PPP3CA: variants seen among roughly 807,000 people sequenced by gnomAD.
The protein encoded by PPP3CA is protein phosphatase 3 catalytic subunit alpha, also known as CAM-PRP catalytic subunit.
A neutral mutation model predicts 66.5 loss-of-function variants in PPP3CA; 14 were observed. The observed-to-expected ratio is 0.21, with a 90% CI of 0.14 to 0.33. The LOEUF is 0.33. Ranked by LOEUF, PPP3CA falls within the 10% of genes least tolerant of loss-of-function variation. The pLI is 1.00. For missense variants in PPP3CA, 317 were observed against 639.5 expected (o/e 0.50, Z 5.44); for synonymous variants, 232 against 226.2 (o/e 1.03, Z -0.23).
At chr4:101,026,813 T>C (rs1416162202) in intron 13 of PPP3CA, among the ~76,000 whole-genome samples, 2 of 152,130 alleles carry the variant, frequency 1.3e-5, no homozygotes, top group Non-Finnish European at 2.9e-5. Flanking sequence ...CTGATGTTCA[T>C]CTGGTATCCA....
chr4:101,346,656 A>T, intron 1 of PPP3CA, 83 bp downstream of exon 1: 1 of 1,120,922 alleles, frequency 8.9e-7, no homozygotes, highest in Non-Finnish European at 1.3e-6. Flanking sequence ...GGGGCGGGGG[A>T]GGGGAGGAAA....
chr4:101,346,724 C>T lies in PPP3CA; in HGVS notation c.58+15G>A. On this transcript the variant is annotated intron_variant, in intron 1 of 13. Transcript: ENST00000394854. ...GGCACACGGTGCACCCAGGCCACCG[C>T]GGCGCTCCGCTTACCTTTCACCACC... 6.2e-7 allele frequency: 1 copy of T among 1,608,352 alleles called. No individual in the cohort carries two copies. The highest frequency in any genetic ancestry group is 8.5e-7 in the Non-Finnish European group (1 of 1,177,760).
chr4:101,290,011 T>C (rs1727972887), intron 1 of PPP3CA, among the ~76,000 whole-genome samples: 2 of 151,768 alleles, frequency 1.3e-5, no homozygotes, highest in South Asian at 4.2e-4. Flanking sequence ...TAGCCTGACA[T>C]CAGAAATGTG....
intron 12 of PPP3CA, among the ~76,000 whole-genome samples, chr4:101,031,355 T>C (rs1431369162): frequency 1.3e-5 from 2 of 152,160 alleles, no homozygotes; most frequent in Non-Finnish European, 2.9e-5. Flanking sequence ...TTCATTTTAA[T>C]TTTTTTCTGT....
At position 101,025,087 on chromosome 4, in the gene PPP3CA, C is replaced by T. The variant is rs911403802; in HGVS notation, c.*778G>A. 1 of 152,222 alleles carries T rather than the reference C, an allele frequency of 6.6e-6. No homozygotes were observed. Among genetic ancestry groups the T allele is most frequent in the Non-Finnish European group, 1.5e-5 (1 of 67,948 alleles). 9.4% of individuals were successfully genotyped at this position (152,222 alleles called of 1,614,324 possible). ...GACTTGATTTTATCAACAAAAACCC[C>T]TAAATATAAACGGCAAAAAAGATAG... On this transcript the variant is annotated 3_prime_UTR_variant, in exon 14 of 14. Transcript: ENST00000394854.
chr4:101,216,723 T>C (rs910709395), intron 1 of PPP3CA, among the ~76,000 whole-genome samples: 9 of 152,020 alleles, frequency 5.9e-5, no homozygotes, highest in Non-Finnish European at 1.3e-4. Flanking sequence ...TATTCATTTA[T>C]TTATTTTAGT....
chr4:101,202,820 G>C (rs1193668407), intron 1 of PPP3CA, among the ~76,000 whole-genome samples: 1 of 152,090 alleles, frequency 6.6e-6, no homozygotes, highest in Non-Finnish European at 1.5e-5. Context: ...GTAATTTACT[G>C]GGTTTTTTTC....
intron 1 of PPP3CA, among the ~76,000 whole-genome samples, chr4:101,212,232 C>A (rs1725319262): frequency 6.6e-6 from 1 of 151,948 alleles, no homozygotes; most frequent in Non-Finnish European, 1.5e-5. Flanking sequence ...ATGCTTATAC[C>A]ATCTAATTGG....
intron 2 of PPP3CA, among the ~76,000 whole-genome samples, chr4:101,141,381 CA>C (rs575073500): frequency 6.5e-4 from 99 of 152,086 alleles, no homozygotes; most frequent in African/African-American, 2.2e-3. Flanking sequence ...AAAAAACAAA[CA>C]AAAAACCCCT....
chr4:101,256,161 G>A (rs115834316), intron 1 of PPP3CA, among the ~76,000 whole-genome samples: 2,108 of 151,922 alleles, frequency 0.014, 49 homozygotes, highest in African/African-American at 0.048. Context: ...GTACATATAT[G>A]AATTCTTAAT....
At chr4:101,074,925 T>C (rs1055086435) in intron 8 of PPP3CA, among the ~76,000 whole-genome samples, 1 of 152,198 alleles carries the variant, frequency 6.6e-6, no homozygotes, top group African/African-American at 2.4e-5. Context: ...GAAAGATGTT[T>C]AATGGACTCA....
Position 101,347,243 on chromosome 4 carries a change from G to T in PPP3CA, c.-447C>A, listed in dbSNP as rs1243944451. 3 of 220,244 alleles carry T rather than the reference G, an allele frequency of 1.4e-5. No individual in the cohort carries two copies. The highest frequency in any genetic ancestry group is 1.2e-4 in the Admixed American group (2 of 16,128). 13.6% of individuals were successfully genotyped at this position (220,244 alleles called of 1,614,324 possible). A position where few individuals can be genotyped will look rare whatever the true frequency, so the allele number is the denominator to read the frequency against. ...CGATCACATGGGGAAGGCCGGGGGC[G>T]AGGGAGGAGAGGCAGGGCCGCCGAT... On this transcript the variant is annotated 5_prime_UTR_variant, in exon 1 of 14. Transcript: ENST00000394854.
chr4:101,214,141 TGG>T (rs1255100262), intron 1 of PPP3CA, among the ~76,000 whole-genome samples: 1 of 152,148 alleles, frequency 6.6e-6, no homozygotes, highest in Non-Finnish European at 1.5e-5. Flanking sequence ...GTCCTTATTT[TGG>T]GGGGCTAACA....
intron 2 of PPP3CA, among the ~76,000 whole-genome samples, chr4:101,131,788 A>G (rs1722450171): frequency 6.6e-6 from 1 of 152,204 alleles, no homozygotes; most frequent in Non-Finnish European, 1.5e-5. Flanking sequence ...ATCCCAAATC[A>G]ACAGAATATA....
intron 8 of PPP3CA, among the ~76,000 whole-genome samples, chr4:101,072,281 G>A (rs918750205): frequency 6.6e-6 from 1 of 152,168 alleles, no homozygotes; most frequent in African/African-American, 2.4e-5. Flanking sequence ...ATTGAAGAAT[G>A]GTTAGAGTCA....
In PPP3CA at chr4:101,080,630, A is replaced by C. The variant is rs1473914067; in HGVS notation, c.861-4T>G. On this transcript the variant is annotated splice_polypyrimidine_tract_variant and splice_region_variant and intron_variant, in intron 7 of 13. Transcript: ENST00000394854. ...GCTTTTCCTGTACATGCGGTACCTA[A>C]AAAGAACAAATACAGTCAAAACAAA... 6.7e-7 allele frequency: 1 copy of C among 1,481,714 alleles called. No individual in the cohort carries two copies. Among genetic ancestry groups the C allele is most frequent in the South Asian group, 1.5e-5 (1 of 67,428 alleles). The allele number at this position is 1,481,714 out of a possible 1,614,324, so 91.8% of individuals were successfully genotyped here.
chr4:101,208,700 T>TA (rs1222534284), intron 1 of PPP3CA, among the ~76,000 whole-genome samples: 1 of 152,226 alleles, frequency 6.6e-6, no homozygotes, highest in Non-Finnish European at 1.5e-5. Context: ...TTTTAAAAGA[T>TA]ACATGTCTTA....
At chr4:101,073,465 C>T (rs1052807586) in intron 8 of PPP3CA, among the ~76,000 whole-genome samples, 5 of 151,790 alleles carry the variant, frequency 3.3e-5, no homozygotes, top group Admixed American at 6.6e-5. Context: ...TTAGTACAGA[C>T]GGGGTTTCAC....
intron 2 of PPP3CA, among the ~76,000 whole-genome samples, chr4:101,128,670 G>A (rs1353382290): frequency 4.0e-5 from 6 of 151,884 alleles, no homozygotes; most frequent in Non-Finnish European, 1.5e-5. Context: ...CTCTAGCCAA[G>A]GGAAGCCTTG....
Sources: allele counts gnomAD v4.1 joint callset (sites outside exome capture counted in the v4.1 genomes callset), GRCh38; gene constraint gnomAD v4.1.1; transcripts MANE v1.5; gene names NCBI Gene and HGNC (gene_info 2026-07-23, HGNC 2026-07-21).